The following TTC39B variants were observed in gnomAD, a reference collection of about 807,000 sequenced individuals.
TTC39B encodes tetratricopeptide repeat protein 39B.
A neutral mutation model predicts 96.6 loss-of-function variants in TTC39B; 92 were observed. The observed-to-expected ratio is 0.95, with a 90% CI of 0.80 to 1.13. TTC39B has a LOEUF of 1.13. TTC39B is among the 50% of genes most tolerant of loss of function. TTC39B has a pLI of 0.00. For synonymous variants in TTC39B, 367 were observed against 299.4 expected (o/e 1.23, Z -2.33); for missense variants, 955 against 809.3 (o/e 1.18, Z -2.18).
At chr9:15,171,934 G>T in exon 20 of TTC39B, 1 of 1,039,842 alleles carries the variant, frequency 9.6e-7, no homozygotes, top group Non-Finnish European at 1.4e-6. Context: ...TTATTCACAA[G>T]ATCATTTTTC....
chr9:15,280,870 C>T (rs1018276147), intron 1 of TTC39B, among the ~76,000 whole-genome samples: 101 of 152,290 alleles, frequency 6.6e-4, no homozygotes, highest in African/African-American at 2.4e-3. Flanking sequence ...CAGGGCTCCC[C>T]CTACCATTCT....
At chr9:15,211,285 C>T (rs753437755) in exon 5 of TTC39B, 6 of 1,564,448 alleles carry the variant, frequency 3.8e-6, no homozygotes, top group Admixed American at 4.0e-5. Flanking sequence ...GTTTGTAAAG[C>T]GTCCTTCATG....
intron 16 of TTC39B, among the ~76,000 whole-genome samples, chr9:15,184,930 A>G (rs907332803): frequency 4.6e-5 from 7 of 152,224 alleles, no homozygotes; most frequent in African/African-American, 1.7e-4. Flanking sequence ...AAATTACATA[A>G]TGTGGCTTGC....
chr9:15,245,804 T>C (rs1348782121), intron 2 of TTC39B, among the ~76,000 whole-genome samples: 2 of 152,210 alleles, frequency 1.3e-5, no homozygotes, highest in East Asian at 1.9e-4. Context: ...ACTTTCCACA[T>C]CTGTAGACTG....
chr9:15,167,123 A>T (rs1817545092), exon 20 of TTC39B: 1 of 129,756 alleles, frequency 7.7e-6, no homozygotes, highest in Non-Finnish European at 1.6e-5. Flanking sequence ...TGTAGCCTCA[A>T]ACTCCTGGGA....
At chr9:15,257,239 G>C (rs1434311395) in intron 2 of TTC39B, among the ~76,000 whole-genome samples, 1 of 152,110 alleles carries the variant, frequency 6.6e-6, no homozygotes, top group Non-Finnish European at 1.5e-5. Flanking sequence ...TTATGAAAGA[G>C]ACTGTCTTTG....
At chr9:15,278,682 A>C (rs1276043317) in intron 1 of TTC39B, among the ~76,000 whole-genome samples, 1 of 152,244 alleles carries the variant, frequency 6.6e-6, no homozygotes, top group Non-Finnish European at 1.5e-5. Flanking sequence ...GGTATTTTTA[A>C]ATTAAAAGGA....
At chr9:15,273,819 G>C (rs938226142) in intron 1 of TTC39B, among the ~76,000 whole-genome samples, 11 of 152,256 alleles carry the variant, frequency 7.2e-5, no homozygotes, top group Non-Finnish European at 1.5e-4. Context: ...GAATTCTTTT[G>C]GGGCATATCT....
intron 2 of TTC39B, among the ~76,000 whole-genome samples, chr9:15,243,196 T>A (rs1822122930): frequency 6.6e-6 from 1 of 152,174 alleles, no homozygotes; most frequent in African/African-American, 2.4e-5. Context: ...AAGGAAGATA[T>A]AAGCCTGATA....
chr9:15,287,040 C>T (rs1401835944), intron 1 of TTC39B, among the ~76,000 whole-genome samples: 1 of 152,172 alleles, frequency 6.6e-6, no homozygotes, highest in African/African-American at 2.4e-5. Context: ...AGCAATAAGA[C>T]TAAATTATTT....
intron 2 of TTC39B, among the ~76,000 whole-genome samples, chr9:15,230,917 G>T (rs979884997): frequency 6.6e-6 from 1 of 151,894 alleles, no homozygotes; most frequent in African/African-American, 2.4e-5. Flanking sequence ...CCCGGGAGGC[G>T]GAGGTTGCAG....
chr9:15,175,150 G>GA lies in TTC39B; in HGVS notation c.1842-16dup. 1.3e-6 allele frequency: 2 copies of GA among 1,534,884 alleles called. No individual in the cohort carries two copies. The highest frequency in any genetic ancestry group is 1.8e-6 in the Non-Finnish European group (2 of 1,110,102). On this transcript the variant is annotated splice_polypyrimidine_tract_variant and intron_variant, in intron 18 of 19. Transcript: ENST00000512701. ...GTAGCTTTTCACTGAAAGAGCAGAG[G>GA]AAAATCAAGTAAATCTTAACAGAAC... is the stretch of plus-strand genomic sequence containing the variant.
intron 15 of TTC39B, 52 bp from the exon 16 acceptor site, chr9:15,185,458 T>C: frequency 6.2e-7 from 1 of 1,606,266 alleles, no homozygotes; most frequent in East Asian, 2.2e-5. Flanking sequence ...AACACATACA[T>C]TATTTGTACC....
At chr9:15,221,529 C>T (rs1820840831) in intron 3 of TTC39B, among the ~76,000 whole-genome samples, 1 of 151,966 alleles carries the variant, frequency 6.6e-6, no homozygotes, top group Non-Finnish European at 1.5e-5. Context: ...TTGTACTTTC[C>T]CTGCCCTGGT....
intron 16 of TTC39B, 45 bp downstream of exon 16, chr9:15,185,235 A>C (rs772873990): frequency 1.3e-6 from 2 of 1,569,544 alleles, no homozygotes; most frequent in African/African-American, 1.4e-5. Context: ...TGCTGTGAGT[A>C]GGTAATTTAT....
chr9:15,190,574 G>C, exon 11 of TTC39B: 2 of 1,613,904 alleles, frequency 1.2e-6, no homozygotes, highest in Non-Finnish European at 1.7e-6. Context: ...GGAGATGTAA[G>C]TATGAAAAGC....
chr9:15,249,901 A>T, intron 2 of TTC39B: 1 of 1,254,946 alleles, frequency 8.0e-7, no homozygotes, highest in Non-Finnish European at 1.0e-6. Context: ...ACTGCTAAAT[A>T]AATATGACAT....
chr9:15,213,663 A>G (rs545515229), intron 4 of TTC39B, among the ~76,000 whole-genome samples: 25 of 152,338 alleles, frequency 1.6e-4, no homozygotes, highest in African/African-American at 6.0e-4. Flanking sequence ...GCCACATCTG[A>G]AAACTTAACA....
At chr9:15,191,437 T>TA (rs1200645078) in intron 9 of TTC39B, among the ~76,000 whole-genome samples, 182 bp from the exon 10 acceptor site, 1 of 152,236 alleles carries the variant, frequency 6.6e-6, no homozygotes, top group African/African-American at 2.4e-5. Context: ...TTCATTTAGC[T>TA]AAGACAAGGA....
Sources: gnomAD v4.1 joint callset for allele counts (sites outside exome capture counted in the v4.1 genomes callset) on GRCh38, gnomAD v4.1.1 for gene constraint, MANE v1.5 for transcripts, NCBI Gene and HGNC (gene_info 2026-07-23, HGNC 2026-07-21) for gene names.